EDDM13: variants seen among roughly 807,000 people sequenced by gnomAD.
The protein encoded by EDDM13 is epididymal protein 13.
EDDM13 carries 24 observed loss-of-function variants against 17.8 expected under a neutral mutation model. That is an observed-to-expected ratio of 1.35 (90% CI 0.98 to 1.90). The LOEUF (loss-of-function observed/expected upper bound fraction) is 1.90. EDDM13 is among the 40% of genes most tolerant of loss of function. EDDM13 has a pLI of 0.00. For synonymous variants in EDDM13, 31 were observed against 37.5 expected (o/e 0.83, Z 0.63); for missense variants, 97 against 100.8 (o/e 0.96, Z 0.16).
chr19:56,278,928 A>G (rs1433908816), intron 2 of EDDM13, among the ~76,000 whole-genome samples: 1 of 152,114 alleles, frequency 6.6e-6, no homozygotes, highest in Non-Finnish European at 1.5e-5. Context: ...ATCCAACTGG[A>G]TGGTGCTCAC....
At chr19:56,273,841 A>C (rs903972027) in intron 1 of EDDM13, among the ~76,000 whole-genome samples, 5 of 152,254 alleles carry the variant, frequency 3.3e-5, no homozygotes, top group Non-Finnish European at 1.5e-5. Context: ...GTTTTCAGCA[A>C]AGGAGTGTCA....
chr19:56,295,913 T>A (rs2039841946), intron 9 of EDDM13, 46 bp from the exon 10 acceptor site: 1 of 152,976 alleles, frequency 6.5e-6, no homozygotes, highest in Non-Finnish European at 1.5e-5. Context: ...TCCCCTGACC[T>A]GTCTTGCTTC....
At chr19:56,279,279 CTCT>C (rs1303883058) in intron 2 of EDDM13, among the ~76,000 whole-genome samples, 2 of 151,828 alleles carry the variant, frequency 1.3e-5, no homozygotes, top group African/African-American at 4.9e-5. Flanking sequence ...GGAAAAAGAT[CTCT>C]TTTTTTTCCA....
At chr19:56,301,633 C>G (rs1233148663) in intron 12 of EDDM13, among the ~76,000 whole-genome samples, 1 of 152,114 alleles carries the variant, frequency 6.6e-6, no homozygotes, top group Non-Finnish European at 1.5e-5. Context: ...AGGGCTCAGC[C>G]TCATTTTACC....
chr19:56,305,162 T>A (rs901550128), intron 14 of EDDM13, among the ~76,000 whole-genome samples: 5 of 152,140 alleles, frequency 3.3e-5, no homozygotes, highest in Non-Finnish European at 7.3e-5. Context: ...TTCAGTACAC[T>A]CAAAATATTG....
At chr19:56,276,519 T>TTTTTTC (rs2038273570) in intron 2 of EDDM13, among the ~76,000 whole-genome samples, 1 of 146,698 alleles carries the variant, frequency 6.8e-6, no homozygotes, top group African/African-American at 2.5e-5. Context: ...TTTTTTTTTT[T>TTTTTTC]CCAGTGAGGG....
intron 9 of EDDM13, among the ~76,000 whole-genome samples, chr19:56,291,819 A>G (rs928861610): frequency 3.3e-5 from 5 of 152,300 alleles, no homozygotes; most frequent in Middle Eastern, 3.4e-3. Context: ...TCTCATGGAA[A>G]CCAATCCCTC....
chr19:56,293,244 C>T (rs1363395850), intron 9 of EDDM13, among the ~76,000 whole-genome samples: 1 of 152,172 alleles, frequency 6.6e-6, no homozygotes, highest in African/African-American at 2.4e-5. Flanking sequence ...CCCAAGTCAT[C>T]GTCCTTGTTT....
intron 6 of EDDM13, among the ~76,000 whole-genome samples, chr19:56,287,871 T>C (rs1273546466): frequency 4.6e-5 from 7 of 152,162 alleles, no homozygotes; most frequent in Admixed American, 4.6e-4. Context: ...TTATAAGCCC[T>C]CTAAGAGGTG....
chr19:56,296,912 A>G (rs1600219938), intron 11 of EDDM13, among the ~76,000 whole-genome samples: 1 of 152,072 alleles, frequency 6.6e-6, no homozygotes, highest in East Asian at 1.9e-4. Context: ...TTGTAAACAT[A>G]GAAAAAATTA....
At chr19:56,281,779 C>T in intron 3 of EDDM13, 81 bp downstream of exon 3, 1 of 839,370 alleles carries the variant, frequency 1.2e-6, no homozygotes, top group Non-Finnish European at 1.4e-6. Flanking sequence ...AAGAGAGAGG[C>T]AAAACTGCTG....
At chr19:56,284,092 G>A (rs1399159167) in intron 4 of EDDM13, 106 bp from the exon 5 acceptor site, 2 of 914,680 alleles carry the variant, frequency 2.2e-6, no homozygotes, top group African/African-American at 3.6e-5. Context: ...CTCGTTTTTG[G>A]TTTTCTAATT....
At chr19:56,296,526 C>T (rs1001783941) in intron 11 of EDDM13, 164 bp downstream of exon 11, 1 of 152,014 alleles carries the variant, frequency 6.6e-6, no homozygotes, top group Non-Finnish European at 1.5e-5. Context: ...ATTTGTCCAA[C>T]AGATATTAAC....
rs2039871050 is a variant in EDDM13 at position 56,296,318 on chromosome 19, T to C, written c.242-18T>C. ...GCTGTCCCTTCTGACTCGCGTTGTA[T>C]GCCCCTGTCCTCCTTAGGCTTGCTG... On this transcript the variant is annotated intron_variant, in intron 10 of 14. Transcript: ENST00000649256. 6.6e-6 allele frequency: 1 copy of C among 152,222 alleles called. No homozygotes were observed. Among genetic ancestry groups the C allele is most frequent in the African/African-American group, 2.4e-5 (1 of 41,430 alleles). 9.4% of individuals were successfully genotyped at this position (152,222 alleles called of 1,614,324 possible).
rs974479835 is a variant in EDDM13 at position 56,281,519 on chromosome 19, C to T, written c.104-174C>T. ...TATGTGACAAACTACATAAAAATAG[C>T]GTCCCATATAAAGATCGCACTCCAT... On this transcript the variant is annotated intron_variant, in intron 2 of 14. Transcript: ENST00000649256. Among the ~76,000 whole-genome samples the T allele has an allele frequency of 4.6e-5, 7 of 152,032 alleles. 1 individual carries two copies. In the South Asian group the frequency reaches 6.2e-4, roughly 14 times the overall value.
chr19:56,291,627 C>T (rs928478235), intron 9 of EDDM13, among the ~76,000 whole-genome samples: 1 of 152,146 alleles, frequency 6.6e-6, no homozygotes, highest in Non-Finnish European at 1.5e-5. Flanking sequence ...CTCAACAGCA[C>T]TGAAACCTAA....
intron 2 of EDDM13, among the ~76,000 whole-genome samples, chr19:56,276,921 T>C (rs1325331301): frequency 2.6e-5 from 4 of 151,950 alleles, no homozygotes. Flanking sequence ...ATATTATAAA[T>C]ATTTACAAAT....
intron 2 of EDDM13, among the ~76,000 whole-genome samples, chr19:56,280,880 T>A (rs1331054906): frequency 6.6e-6 from 1 of 152,134 alleles, no homozygotes. Context: ...ACACATGCTG[T>A]TTGGGGTACA....
chr19:56,293,318 G>C (rs1312636778), intron 9 of EDDM13, among the ~76,000 whole-genome samples: 8 of 152,180 alleles, frequency 5.3e-5, no homozygotes, highest in Non-Finnish European at 1.5e-5. Context: ...CAGCCAGTCA[G>C]GTGCAGAGAA....
Sources: gnomAD v4.1 joint callset for allele counts (sites outside exome capture counted in the v4.1 genomes callset) on GRCh38, gnomAD v4.1.1 for gene constraint, MANE v1.5 for transcripts, NCBI Gene and HGNC (gene_info 2026-07-23, HGNC 2026-07-21) for gene names.